Variants in ANKFY1 observed in about 807,000 individuals in gnomAD.
ANKFY1 encodes ankyrin repeat and FYVE domain-containing protein 1.
ANKFY1 carries 47 observed loss-of-function variants against 128.3 expected under a neutral mutation model. That is an observed-to-expected ratio of 0.37 (90% CI 0.29 to 0.47). The LOEUF is 0.47. ANKFY1 is among the 20% of genes least tolerant of loss of function. The probability of loss-of-function intolerance (pLI) is 1.00; values close to 1 mark genes in which losing one functional copy is unlikely to be tolerated. For synonymous variants in ANKFY1, 553 were observed against 601.6 expected (o/e 0.92, Z 1.18); for missense variants, 1,222 against 1,510.6 (o/e 0.81, Z 3.17).
chr17:4,172,573 T>G lies in ANKFY1; in HGVS notation c.3122A>C (p.Asp1041Ala). 1 of 1,613,930 alleles carries G rather than the reference T, an allele frequency of 6.2e-7. No homozygotes were observed. Among genetic ancestry groups the G allele is most frequent in the Non-Finnish European group, 8.5e-7 (1 of 1,179,876 alleles). ...GTACACACCCGTGCTGCCGTCTGCATCCGGCTTGTCCAGAGGATACCCCGG... is the reference window on the plus strand; with the variant it reads ...GTACACACCCGTGCTGCCGTCTGCAGCCGGCTTGTCCAGAGGATACCCCGG... ...CMPGYPLDKP[D>A]ADGSTVLLLA... Residue 1041 changes from aspartate (D) to alanine (A), a missense_variant, in exon 22 of 25, where the codon GAT becomes GCT. Physicochemically the swap from Asp to Ala is moderately radical, Grantham distance 126. Coordinates refer to ENST00000341657, the MANE Select transcript of ANKFY1 (RefSeq NM_001330063.2).
At chr17:4,194,243 G>A (rs1400660852) in intron 10 of ANKFY1, among the ~76,000 whole-genome samples, 1 of 150,486 alleles carries the variant, frequency 6.6e-6, no homozygotes, top group African/African-American at 2.4e-5. Flanking sequence ...TAGCTGGGAT[G>A]ACAGGAGCCC....
At chr17:4,239,502 T>C (rs1241982902) in intron 2 of ANKFY1, among the ~76,000 whole-genome samples, 1 of 152,216 alleles carries the variant, frequency 6.6e-6, no homozygotes, top group Non-Finnish European at 1.5e-5. Context: ...GATAGCAGTT[T>C]TGAATCCTGA....
At chr17:4,194,103 A>ATATT (rs1555627694) in intron 10 of ANKFY1, among the ~76,000 whole-genome samples, 34 of 108,156 alleles carry the variant, frequency 3.1e-4, no homozygotes, top group African/African-American at 4.9e-4. Context: ...ATATATATAT[A>ATATT]TTTTTTTTTT....
chr17:4,229,739 C>G (rs903567046), intron 3 of ANKFY1, among the ~76,000 whole-genome samples: 4 of 152,190 alleles, frequency 2.6e-5, no homozygotes, highest in African/African-American at 9.6e-5. Flanking sequence ...CAGCTGCTGG[C>G]AGGAGGCCAC....
At chr17:4,193,736 T>A (rs1419807111) in intron 10 of ANKFY1, among the ~76,000 whole-genome samples, 1 of 147,658 alleles carries the variant, frequency 6.8e-6, no homozygotes, top group African/African-American at 2.6e-5. Flanking sequence ...TGACCTTTAA[T>A]TTTTTTTTAT....
intron 3 of ANKFY1, chr17:4,223,901 C>A: frequency 1.5e-6 from 1 of 651,104 alleles, no homozygotes. Context: ...AACACCACGC[C>A]AACAGAAGCA....
chr17:4,173,260 G>T, intron 21 of ANKFY1, 94 bp downstream of exon 21: 1 of 1,250,306 alleles, frequency 8.0e-7, no homozygotes, highest in Non-Finnish European at 1.2e-6. Flanking sequence ...CGGTTTTGCA[G>T]CTCCTCCCTG....
chr17:4,180,371 A>G, intron 16 of ANKFY1: 1 of 155,014 alleles, frequency 6.5e-6, no homozygotes, highest in Non-Finnish European at 1.4e-5. Flanking sequence ...CAGGAGGCAG[A>G]GGTGGCAGTG....
rs1397971382 is a variant in ANKFY1 at position 4,257,117 on chromosome 17, G to A, written c.10+6815C>T. ...CTTAGCAGCTCAGCCATTTGTCTGA[G>A]TCATCCAGACCTAGAACTTGAGTCA... On this transcript the variant is annotated intron_variant, in intron 1 of 24. Transcript: ENST00000341657. Among the ~76,000 whole-genome samples the A allele has an allele frequency of 2.6e-5, 4 of 152,234 alleles. No homozygotes were observed. The South Asian group carries it at 6.2e-4, about 24-fold the overall frequency.
In ANKFY1 at chr17:4,194,752, A is replaced by G. The variant is rs150050563; in HGVS notation, c.1372+226T>C. The G allele has an allele frequency of 1.5e-4, 82 of 548,640 alleles. No homozygotes were observed. The East Asian group carries it at 2.5e-3, about 17-fold the overall frequency. 34.0% of individuals were successfully genotyped at this position (548,640 alleles called of 1,614,324 possible). On this transcript the variant is annotated intron_variant, in intron 10 of 24. Transcript: ENST00000341657. ...AAGAGTCTGCGAGTCGCCGCATTAA[A>G]TAAATGGAAGTTTCAGTTTCAGGGA...
intron 1 of ANKFY1, among the ~76,000 whole-genome samples, chr17:4,253,251 T>C (rs546697595): frequency 1.3e-5 from 2 of 152,126 alleles, no homozygotes; most frequent in Admixed American, 1.3e-4. Context: ...CAAACCATAC[T>C]AGGCAAACTA....
intron 2 of ANKFY1, among the ~76,000 whole-genome samples, chr17:4,241,625 T>G (rs888217192): frequency 6.6e-6 from 1 of 151,922 alleles, no homozygotes; most frequent in African/African-American, 2.4e-5. Flanking sequence ...TCAACCATCA[T>G]GATGCACTCT....
At position 4,241,561 on chromosome 17, in the gene ANKFY1, A is replaced by G. The variant is rs913461502; in HGVS notation, c.203+695T>C. 5.9e-5 allele frequency among the ~76,000 whole-genome samples: 9 copies of G among 151,894 alleles called. No homozygotes were observed. The East Asian group carries it at 1.8e-3, about 30-fold the overall frequency. The stretch of plus-strand genomic sequence containing the variant: ...AGTGCTGGGATTATAGGCATGAGCC[A>G]CCGTGCCCAGCCCTGAGCTTCTAAC... On this transcript the variant is annotated intron_variant, in intron 2 of 24. Transcript: ENST00000341657.
chr17:4,227,436 T>C (rs1317661909), intron 3 of ANKFY1, among the ~76,000 whole-genome samples: 1 of 152,194 alleles, frequency 6.6e-6, no homozygotes, highest in Non-Finnish European at 1.5e-5. Flanking sequence ...TATATAATCA[T>C]TTCTATAGAT....
At position 4,181,835 on chromosome 17, in the gene ANKFY1, G is replaced by A. The variant is rs1246214972; in HGVS notation, c.2121+346C>T. Reference sequence around the variant, plus strand: ...AGGTTTGCCTCCACTTTTGGGGCCTGTCTTGCAAACAAGGGAGATAAACCT... The same window carrying A: ...AGGTTTGCCTCCACTTTTGGGGCCTATCTTGCAAACAAGGGAGATAAACCT... On this transcript the variant is annotated intron_variant, in intron 15 of 24. Transcript: ENST00000341657. The surrounding 1 kb of genome is among the most constrained non-coding windows in gnomAD (Gnocchi z 4.9). Among the ~76,000 whole-genome samples the A allele has an allele frequency of 6.6e-6, 1 of 152,186 alleles. No homozygotes were observed. Among genetic ancestry groups the A allele is most frequent in the East Asian group, 1.9e-4 (1 of 5,204 alleles).
At position 4,183,914 on chromosome 17, in the gene ANKFY1, A is replaced by G; in HGVS notation, c.1700-4T>C. The stretch of plus-strand genomic sequence containing the variant: ...TTGGTGGCATGAAGAGCATTGGCTA[A>G]ATGTTTGAAAAAGTAAAAGAACACT... On this transcript the variant is annotated splice_polypyrimidine_tract_variant and splice_region_variant and intron_variant, in intron 12 of 24. Coordinates refer to ENST00000341657, the MANE Select transcript of ANKFY1 (RefSeq NM_001330063.2). The G allele has an allele frequency of 6.2e-7, 1 of 1,607,680 alleles. No individual in the cohort carries two copies. The highest frequency in any genetic ancestry group is 8.5e-7 in the Non-Finnish European group (1 of 1,174,210).
At chr17:4,171,267 T>C (rs1435866848) in intron 22 of ANKFY1, among the ~76,000 whole-genome samples, 1 of 152,174 alleles carries the variant, frequency 6.6e-6, no homozygotes, top group African/African-American at 2.4e-5. Context: ...CCAATGTAAC[T>C]AAATCTAAAC....
chr17:4,235,960 C>A, intron 2 of ANKFY1, 70 bp from the exon 3 acceptor site: 1 of 1,086,510 alleles, frequency 9.2e-7, no homozygotes, highest in Non-Finnish European at 1.4e-6. Context: ...GGATTCACAG[C>A]TGATAAACAC....
At chr17:4,258,442 G>C (rs3890146) in intron 1 of ANKFY1, among the ~76,000 whole-genome samples, 77,219 of 151,008 alleles carry the variant, frequency 0.51, 22,130 homozygotes, top group East Asian at 0.8. Flanking sequence ...GGAGAATGGT[G>C]TGAACCTGGG....
Sources: gnomAD v4.1 joint callset for allele counts (sites outside exome capture counted in the v4.1 genomes callset) on GRCh38, gnomAD v4.1.1 for gene constraint, Gnocchi (gnomAD v3.1) non-coding constraint, MANE v1.5 for transcripts, NCBI Gene and HGNC (gene_info 2026-07-23, HGNC 2026-07-21) for gene names.